PRKCH: variants seen among roughly 807,000 people sequenced by gnomAD.
PRKCH encodes protein kinase C eta, also known as protein kinase C eta type.
PRKCH carries 28 observed loss-of-function variants against 82.5 expected under a neutral mutation model. The observed-to-expected ratio is 0.34, with a 90% confidence interval of 0.25 to 0.47. The LOEUF is 0.47. Among genes scored for constraint, PRKCH ranks in the 20% least tolerant of loss-of-function variants. PRKCH has a pLI of 1.00. For missense variants in PRKCH, 705 were observed against 881.8 expected (o/e 0.80, Z 2.54); for synonymous variants, 322 against 327.4 (o/e 0.98, Z 0.18).
intron 2 of PRKCH, among the ~76,000 whole-genome samples, chr14:61,409,262 G>T (rs1408274236): frequency 1.3e-5 from 2 of 152,184 alleles, no homozygotes; most frequent in African/African-American, 4.8e-5. Flanking sequence ...CATGGATCAG[G>T]AGTTCTACTC....
At chr14:61,330,158 G>A (rs2045764670) in intron 1 of PRKCH, among the ~76,000 whole-genome samples, 1 of 152,160 alleles carries the variant, frequency 6.6e-6, no homozygotes, top group Non-Finnish European at 1.5e-5. Context: ...AATTACAGAA[G>A]TACTTACAGG....
At chr14:61,447,789 A>G (rs1164629712) in intron 4 of PRKCH, among the ~76,000 whole-genome samples, 3 of 152,232 alleles carry the variant, frequency 2.0e-5, no homozygotes, top group Admixed American at 2.0e-4. Context: ...ATCCAGCAAA[A>G]GCAGTGCTCA....
At chr14:61,510,304 GAGTA>G in intron 10 of PRKCH, among the ~76,000 whole-genome samples, 1 of 152,158 alleles carries the variant, frequency 6.6e-6, no homozygotes. Flanking sequence ...CAGTGTGTTA[GAGTA>G]AGTAACAGAG....
At chr14:61,330,430 A>G (rs1353131647) in intron 1 of PRKCH, among the ~76,000 whole-genome samples, 1 of 152,234 alleles carries the variant, frequency 6.6e-6, no homozygotes, top group Non-Finnish European at 1.5e-5. Context: ...AACTGTTTCC[A>G]TGCTTGTGAA....
chr14:61,382,564 C>G (rs2046528460), intron 1 of PRKCH, among the ~76,000 whole-genome samples: 1 of 152,038 alleles, frequency 6.6e-6, no homozygotes, highest in South Asian at 2.1e-4. Context: ...TTAAGCCAGA[C>G]AGTTTCAGGT....
At chr14:61,243,183 T>G (rs1164897682) in intron 1 of PRKCH, among the ~76,000 whole-genome samples, 1 of 151,706 alleles carries the variant, frequency 6.6e-6, no homozygotes, top group African/African-American at 2.4e-5. Flanking sequence ...TCACTTGAGG[T>G]CTGGATTTCG....
chr14:61,274,220 C>T (rs2045183422), intron 1 of PRKCH, among the ~76,000 whole-genome samples: 1 of 152,120 alleles, frequency 6.6e-6, no homozygotes, highest in African/African-American at 2.4e-5. Context: ...GGAGCAAGAC[C>T]AGCATGAGCA....
chr14:61,541,182 G>A (rs543031521), intron 12 of PRKCH, among the ~76,000 whole-genome samples: 18 of 152,392 alleles, frequency 1.2e-4, no homozygotes, highest in African/African-American at 4.3e-4. Context: ...CCCAACAGCT[G>A]GCAGGAGGGG....
At chr14:61,213,939 T>C (rs1037064234) in intron 1 of PRKCH, among the ~76,000 whole-genome samples, 1 of 152,256 alleles carries the variant, frequency 6.6e-6, no homozygotes, top group African/African-American at 2.4e-5. Flanking sequence ...GACCCTGCTC[T>C]CTGGGAACTT....
intron 2 of PRKCH, among the ~76,000 whole-genome samples, chr14:61,438,526 C>G (rs1055745258): frequency 1.3e-5 from 2 of 152,198 alleles, no homozygotes; most frequent in Admixed American, 1.3e-4. Flanking sequence ...ATATATATTT[C>G]TGCTGCTGGG....
At chr14:61,202,894 G>A (rs531100758) in intron 1 of PRKCH, among the ~76,000 whole-genome samples, 1 of 151,920 alleles carries the variant, frequency 6.6e-6, no homozygotes, top group East Asian at 1.9e-4. Flanking sequence ...AAAGTTCATG[G>A]CTTACACCAG....
rs2045636892 is a variant in PRKCH at position 61,322,301 on chromosome 14, C to T, written c.200C>T (p.Thr67Met). ...ACCAAGCAGAAGACCAACAAACCCA[C>T]GTACAACGAGGAGTTTTGCGCTAAC... The part of the protein sequence containing the change: ...TSTKQKTNKP[T>M]YNEEFCANVT... Residue 67 changes from threonine (T) to methionine (M), a missense_variant, in exon 1 of 14, where the codon ACG becomes ATG. By Grantham distance (81) the Thr-to-Met change is moderately conservative (BLOSUM62 -1). Coordinates refer to ENST00000332981, the MANE Select transcript of PRKCH (RefSeq NM_006255.5). 1.2e-6 allele frequency: 2 copies of T among 1,613,200 alleles called. No individual in the cohort carries two copies. The highest frequency in any genetic ancestry group is 1.6e-4 in the Middle Eastern group (1 of 6,080).
chr14:61,235,536 A>G (rs1412804999), intron 1 of PRKCH, among the ~76,000 whole-genome samples: 1 of 152,180 alleles, frequency 6.6e-6, no homozygotes, highest in South Asian at 2.1e-4. Context: ...TGCCCAATTA[A>G]TAGTGATTGA....
intron 1 of PRKCH, among the ~76,000 whole-genome samples, chr14:61,366,494 G>A (rs1056915729): frequency 9.2e-5 from 14 of 152,200 alleles, no homozygotes; most frequent in Middle Eastern, 3.4e-3. Context: ...ATTTTGTCAC[G>A]TATGGAAGTT....
At chr14:61,400,294 G>A (rs1333610115) in intron 2 of PRKCH, among the ~76,000 whole-genome samples, 2 of 152,186 alleles carry the variant, frequency 1.3e-5, no homozygotes, top group African/African-American at 2.4e-5. Context: ...GTGATTTCTG[G>A]TGGTAGTTGA....
At chr14:61,453,448 A>G in intron 7 of PRKCH, 95 bp downstream of exon 7, 1 of 1,340,648 alleles carries the variant, frequency 7.5e-7, no homozygotes, top group Non-Finnish European at 1.0e-6. Flanking sequence ...AAAGTTCCTA[A>G]TCTTAGCAAA....
chr14:61,454,929 T>C (rs1444113181), intron 7 of PRKCH, among the ~76,000 whole-genome samples: 1 of 152,150 alleles, frequency 6.6e-6, no homozygotes, highest in African/African-American at 2.4e-5. Context: ...GGAAGTGCAA[T>C]TACTGTGAGA....
chr14:61,425,646 T>C (rs1282901510), intron 2 of PRKCH, among the ~76,000 whole-genome samples: 2 of 152,182 alleles, frequency 1.3e-5, no homozygotes, highest in African/African-American at 2.4e-5. Context: ...CTGTGGACTT[T>C]TGAGTTAATG....
chr14:61,339,078 T>C (rs1479931253), intron 1 of PRKCH, among the ~76,000 whole-genome samples: 1 of 151,938 alleles, frequency 6.6e-6, no homozygotes, highest in Non-Finnish European at 1.5e-5. Context: ...TCCCCACCAC[T>C]TTCCCTTTTA....
Sources: allele counts gnomAD v4.1 joint callset (sites outside exome capture counted in the v4.1 genomes callset), GRCh38; gene constraint gnomAD v4.1.1; transcripts MANE v1.5; gene names NCBI Gene and HGNC (gene_info 2026-07-23, HGNC 2026-07-21).